The following PTPRD variants were observed in gnomAD, a reference collection of about 807,000 sequenced individuals.
The protein encoded by PTPRD is receptor-type tyrosine-protein phosphatase delta.
In PTPRD, 34 loss-of-function variants were observed where a neutral mutation model predicts 214.5. The observed-to-expected ratio is 0.16, with a 90% CI of 0.12 to 0.21. The LOEUF is 0.21. Among genes scored for constraint, PTPRD ranks in the 10% least tolerant of loss-of-function variants. PTPRD has a pLI of 1.00. For synonymous variants in PTPRD, 1,128 were observed against 845.7 expected, an observed-to-expected ratio of 1.33 and a Z score of -5.79; for missense variants, 2,545 against 2,398.7, an observed-to-expected ratio of 1.06 and a Z score of -1.27.
At chr9:9,704,615 C>T in intron 7 of PTPRD, among the ~76,000 whole-genome samples, 1 of 152,138 alleles carries the variant, frequency 6.6e-6, no homozygotes, top group East Asian at 1.9e-4. Context: ...CTGGAACTTC[C>T]AAGAATATTT....
At chr9:9,613,131 CATACATATATATATATATATATATAT>C (rs1360602720) in intron 7 of PTPRD, among the ~76,000 whole-genome samples, 7 of 40,904 alleles carry the variant, frequency 1.7e-4, no homozygotes, top group South Asian at 2.3e-3. Context: ...AGTATACATA[CATACATATATATATATATATATATAT>C]ATATATATAT....
chr9:9,105,715 C>T (rs2154445027), intron 10 of PTPRD, among the ~76,000 whole-genome samples: 1 of 152,304 alleles, frequency 6.6e-6, no homozygotes, highest in Non-Finnish European at 1.5e-5. Flanking sequence ...GAGAGAGCTA[C>T]ACACTGAAAA....
intron 36 of PTPRD, 137 bp from the exon 37 acceptor site, chr9:8,389,544 C>T (rs1360908135): frequency 1.7e-6 from 1 of 582,686 alleles, no homozygotes; most frequent in South Asian, 3.7e-5. Context: ...GGTCGGGTTT[C>T]AAGCAAGATT....
intron 10 of PTPRD, among the ~76,000 whole-genome samples, chr9:9,082,478 C>A (rs1213028070): frequency 1.3e-5 from 2 of 151,230 alleles, no homozygotes; most frequent in African/African-American, 4.8e-5. Flanking sequence ...GTATTTATGA[C>A]AAACCTAAGA....
At chr9:9,741,392 T>C (rs2098400004) in intron 6 of PTPRD, among the ~76,000 whole-genome samples, 1 of 152,176 alleles carries the variant, frequency 6.6e-6, no homozygotes, top group Non-Finnish European at 1.5e-5. Context: ...GTTTAACTTT[T>C]ATTTTTATGA....
At chr9:9,025,220 T>C (rs553927244) in intron 10 of PTPRD, among the ~76,000 whole-genome samples, 106 of 152,088 alleles carry the variant, frequency 7.0e-4, no homozygotes, top group African/African-American at 2.4e-3. Context: ...TGGGACTAAG[T>C]TTTTCTTGAC....
At chr9:10,068,662 G>C (rs1362093829) in intron 3 of PTPRD, among the ~76,000 whole-genome samples, 2 of 151,524 alleles carry the variant, frequency 1.3e-5, no homozygotes, top group Non-Finnish European at 2.9e-5. Context: ...GTAACCACAA[G>C]AGCTTTTGAT....
At chr9:8,971,401 T>C (rs1351562759) in intron 11 of PTPRD, among the ~76,000 whole-genome samples, 1 of 151,820 alleles carries the variant, frequency 6.6e-6, no homozygotes, top group Non-Finnish European at 1.5e-5. Context: ...AATACTGGCT[T>C]GAGCTTGAGT....
At chr9:8,373,622 T>G (rs200452469) in intron 39 of PTPRD, among the ~76,000 whole-genome samples, 1 of 11,840 alleles carries the variant, frequency 8.4e-5, no homozygotes, top group Non-Finnish European at 6.0e-4. Flanking sequence ...GGTGTGTGTG[T>G]GTGTGTGTGT....
intron 8 of PTPRD, among the ~76,000 whole-genome samples, chr9:9,490,813 G>C (rs1460647979): frequency 1.3e-5 from 2 of 151,700 alleles, no homozygotes; most frequent in Non-Finnish European, 3.0e-5. Context: ...TGAGGGACAA[G>C]AAAAACTATG....
At chr9:8,706,049 G>A (rs943095604) in intron 12 of PTPRD, among the ~76,000 whole-genome samples, 2 of 151,996 alleles carry the variant, frequency 1.3e-5, no homozygotes, top group Non-Finnish European at 2.9e-5. Flanking sequence ...AAAAGTACAG[G>A]ACTCAAATTC....
chr9:10,073,473 T>C (rs2098072771), intron 3 of PTPRD, among the ~76,000 whole-genome samples: 1 of 152,074 alleles, frequency 6.6e-6, no homozygotes, highest in Non-Finnish European at 1.5e-5. Flanking sequence ...ATTCTGGATG[T>C]GATAGTAGAA....
intron 8 of PTPRD, among the ~76,000 whole-genome samples, chr9:9,495,183 TCAGACCTAAATC>T (rs1374867176): frequency 6.6e-6 from 1 of 151,944 alleles, no homozygotes; most frequent in African/African-American, 2.4e-5. Context: ...GGTCTAAATG[TCAGACCTAAATC>T]TATACAACTC....
intron 30 of PTPRD, among the ~76,000 whole-genome samples, chr9:8,477,809 G>GA (rs201820559): frequency 8.1e-4 from 120 of 147,968 alleles, no homozygotes; most frequent in Admixed American, 1.4e-3. Context: ...ATTGACCTAG[G>GA]AAAAAAAAAA....
chr9:10,129,906 A>T (rs1015462264), intron 3 of PTPRD, among the ~76,000 whole-genome samples: 8 of 151,656 alleles, frequency 5.3e-5, no homozygotes, highest in African/African-American at 1.7e-4. Flanking sequence ...TAAAAATGGT[A>T]GTTTGGTTTA....
chr9:8,578,628 G>C (rs2092725722), intron 14 of PTPRD, among the ~76,000 whole-genome samples: 1 of 152,088 alleles, frequency 6.6e-6, no homozygotes. Flanking sequence ...AAGGCAACAG[G>C]ATCCGCCCAC....
At chr9:9,274,571 G>A (rs1944229790) in intron 9 of PTPRD, among the ~76,000 whole-genome samples, 1 of 151,096 alleles carries the variant, frequency 6.6e-6, no homozygotes, top group Non-Finnish European at 1.5e-5. Context: ...TTTTTCTACT[G>A]TTTGAAATTT....
chr9:8,415,657 C>T (rs1432283058), intron 35 of PTPRD, among the ~76,000 whole-genome samples: 1 of 151,962 alleles, frequency 6.6e-6, no homozygotes, highest in Non-Finnish European at 1.5e-5. Flanking sequence ...ATTAACATGT[C>T]CTTTAAAAAT....
intron 8 of PTPRD, among the ~76,000 whole-genome samples, chr9:9,451,654 T>G (rs771661744): frequency 6.6e-6 from 1 of 151,622 alleles, no homozygotes; most frequent in Non-Finnish European, 1.5e-5. Context: ...CATAGACTTT[T>G]TATATAAAAA....
Sources: gnomAD v4.1 joint callset for allele counts (sites outside exome capture counted in the v4.1 genomes callset) on GRCh38, gnomAD v4.1.1 for gene constraint, MANE v1.5 for transcripts, NCBI Gene and HGNC (gene_info 2026-07-23, HGNC 2026-07-21) for gene names.